The following EPHA6 variants were observed in gnomAD, a reference collection of about 807,000 sequenced individuals.
EPHA6 encodes the protein EPH receptor A6.
A neutral mutation model predicts 112.0 loss-of-function variants in EPHA6; 50 were observed. That is an observed-to-expected ratio of 0.45 (90% CI 0.36 to 0.56). The LOEUF (loss-of-function observed/expected upper bound fraction) is 0.56, where lower values mean the gene tolerates loss of function less well. Among genes scored for constraint, EPHA6 ranks in the 20% least tolerant of loss-of-function variants. The pLI is 0.00. For missense variants in EPHA6, 1,280 were observed against 1,417.4 expected (o/e 0.90, Z 1.56); for synonymous variants, 529 against 490.7 (o/e 1.08, Z -1.03).
At chr3:97,628,825 A>C (rs753332451) in intron 13 of EPHA6, among the ~76,000 whole-genome samples, 1 of 152,038 alleles carries the variant, frequency 6.6e-6, no homozygotes, top group Non-Finnish European at 1.5e-5. Context: ...AATTGTGTGC[A>C]TGTGGTTATA....
At chr3:97,622,776 T>TTATGTTTG (rs1337214530) in intron 13 of EPHA6, among the ~76,000 whole-genome samples, 2 of 151,804 alleles carry the variant, frequency 1.3e-5, no homozygotes, top group Non-Finnish European at 2.9e-5. Flanking sequence ...TTTGTTTGTT[T>TTATGTTTG]TATGTTTGTT....
chr3:96,814,983 C>T lies in EPHA6; in HGVS notation c.360C>T (p.Asp120=). The change falls in exon 1 of 18, where the codon GAC becomes GAT. Residue 120 remains aspartate (D), a synonymous_variant. Coordinates refer to ENST00000389672, the MANE Select transcript of EPHA6 (RefSeq NM_001080448.3). ...FLPLLTAWPG[D]CSHVSNNQVV... ...CTCTGCTGACAGCGTGGCCAGGCGA[C>T]TGCAGTCACGTCTCCAACAACCAAG... 1 of 1,533,272 alleles carries T rather than the reference C, an allele frequency of 6.5e-7. No individual in the cohort carries two copies. Among genetic ancestry groups the T allele is most frequent in the Non-Finnish European group, 8.8e-7 (1 of 1,135,288 alleles). 95.0% of individuals were successfully genotyped at this position (1,533,272 alleles called of 1,614,324 possible).
intron 14 of EPHA6, among the ~76,000 whole-genome samples, chr3:97,665,321 A>G (rs1251605807): frequency 6.6e-6 from 1 of 152,230 alleles, no homozygotes; most frequent in Non-Finnish European, 1.5e-5. Context: ...AAAGTAATTC[A>G]AGATGGATTA....
At chr3:97,262,002 T>C (rs2079519242) in intron 5 of EPHA6, among the ~76,000 whole-genome samples, 3 of 152,224 alleles carry the variant, frequency 2.0e-5, no homozygotes, top group Non-Finnish European at 4.4e-5. Flanking sequence ...TTCTTAGTTA[T>C]AAAACCCTAG....
At chr3:97,658,627 G>A (rs973591230) in intron 14 of EPHA6, among the ~76,000 whole-genome samples, 4 of 151,826 alleles carry the variant, frequency 2.6e-5, no homozygotes, top group East Asian at 1.9e-4. Context: ...ATACCTTACG[G>A]GAAATAGAAG....
chr3:97,121,035 G>T (rs1342325661), intron 3 of EPHA6, among the ~76,000 whole-genome samples: 4 of 151,902 alleles, frequency 2.6e-5, no homozygotes, highest in East Asian at 1.9e-4. Flanking sequence ...AGAGAAAACA[G>T]AATTAAATAA....
Position 96,815,976 on chromosome 3 carries a change from T to C in EPHA6, c.385+968T>C, listed in dbSNP as rs149559589. Among the ~76,000 whole-genome samples the C allele has an allele frequency of 2.6e-5, 4 of 152,280 alleles. No homozygotes were observed. The East Asian group carries it at 5.8e-4, about 22-fold the overall frequency. ...AACCGATATGTCCCTTCAAATATTATGTGTGGTAGTCAGTTATAGTTATCA... is the reference window on the plus strand; with the variant it reads ...AACCGATATGTCCCTTCAAATATTACGTGTGGTAGTCAGTTATAGTTATCA... On this transcript the variant is annotated intron_variant, in intron 1 of 17. Coordinates refer to ENST00000389672, the MANE Select transcript of EPHA6 (RefSeq NM_001080448.3).
chr3:97,510,510 A>G (rs2092344592), intron 10 of EPHA6, among the ~76,000 whole-genome samples: 1 of 152,206 alleles, frequency 6.6e-6, no homozygotes, highest in African/African-American at 2.4e-5. Flanking sequence ...GAGTATCACC[A>G]GCGGAGGCTG....
intron 5 of EPHA6, among the ~76,000 whole-genome samples, chr3:97,395,307 C>T (rs924162040): frequency 2.6e-5 from 4 of 151,702 alleles, no homozygotes; most frequent in African/African-American, 9.7e-5. Context: ...GCACAGGAGA[C>T]AGATATTCTT....
chr3:97,747,334 T>C (rs1403453178), intron 16 of EPHA6, 89 bp from the exon 17 acceptor site: 3 of 1,143,096 alleles, frequency 2.6e-6, no homozygotes, highest in Non-Finnish European at 3.5e-6. Context: ...TGTAAGAATA[T>C]TGTAAAAGTA....
chr3:97,256,310 CT>C lies in EPHA6; in HGVS notation c.1606+12028del, dbSNP rs1431629542. Reference sequence around the variant, plus strand: ...AACTAATGTATCTGCCTTCATGTGACTTTTTAACCAATTATGGTTCATCAAG... The same window carrying C: ...AACTAATGTATCTGCCTTCATGTGACTTTTAACCAATTATGGTTCATCAAG... On this transcript the variant is annotated intron_variant, in intron 5 of 17. Coordinates refer to ENST00000389672, the MANE Select transcript of EPHA6 (RefSeq NM_001080448.3). Among the ~76,000 whole-genome samples the C allele has an allele frequency of 2.0e-5, 3 of 151,986 alleles. No individual in the cohort carries two copies. In the East Asian group the frequency reaches 5.8e-4, roughly 29 times the overall value.
chr3:96,910,470 C>T (rs911067224), intron 2 of EPHA6, among the ~76,000 whole-genome samples: 17 of 151,978 alleles, frequency 1.1e-4, no homozygotes, highest in Admixed American at 1.1e-3. Flanking sequence ...CTTTATTTAT[C>T]TCTTGGATCA....
intron 3 of EPHA6, among the ~76,000 whole-genome samples, chr3:97,033,473 CAT>C (rs1170943104): frequency 2.6e-5 from 4 of 152,034 alleles, no homozygotes; most frequent in Admixed American, 1.3e-4. Flanking sequence ...AGAAAATTCA[CAT>C]AGAGATATTC....
chr3:97,167,422 A>C (rs2076567998), intron 3 of EPHA6, among the ~76,000 whole-genome samples: 1 of 151,912 alleles, frequency 6.6e-6, no homozygotes, highest in African/African-American at 2.4e-5. Flanking sequence ...TAGACCCTGA[A>C]TTTCTATGTT....
At chr3:97,532,596 T>C in intron 11 of EPHA6, 53 bp downstream of exon 11, 1 of 1,484,560 alleles carries the variant, frequency 6.7e-7, no homozygotes, top group Non-Finnish European at 9.0e-7. Flanking sequence ...CTCAGTTTTT[T>C]TTTAAGAAAA....
intron 2 of EPHA6, among the ~76,000 whole-genome samples, chr3:96,937,682 C>T (rs904574076): frequency 3.9e-5 from 6 of 152,014 alleles, no homozygotes; most frequent in Non-Finnish European, 5.9e-5. Context: ...AGTCCTTGCC[C>T]ATGCCTATGT....
intron 5 of EPHA6, among the ~76,000 whole-genome samples, chr3:97,329,425 T>A (rs972684961): frequency 6.6e-6 from 1 of 150,400 alleles, no homozygotes; most frequent in African/African-American, 2.5e-5. Context: ...TAGTTTACAG[T>A]CCCACCAACA....
intron 5 of EPHA6, among the ~76,000 whole-genome samples, chr3:97,334,872 A>G (rs2082983287): frequency 6.6e-6 from 1 of 151,906 alleles, no homozygotes; most frequent in African/African-American, 2.4e-5. Context: ...TCTCCCATTG[A>G]TTTCTCATTT....
At chr3:96,844,645 C>T (rs866030426) in intron 1 of EPHA6, among the ~76,000 whole-genome samples, 4 of 151,866 alleles carry the variant, frequency 2.6e-5, no homozygotes, top group African/African-American at 7.2e-5. Flanking sequence ...GAAATATAAT[C>T]GTGCCAGAAC....
Sources: gnomAD v4.1 joint callset for allele counts (sites outside exome capture counted in the v4.1 genomes callset) on GRCh38, gnomAD v4.1.1 for gene constraint, MANE v1.5 for transcripts, NCBI Gene and HGNC (gene_info 2026-07-23, HGNC 2026-07-21) for gene names.